CLEC12A: variants seen among roughly 807,000 people sequenced by gnomAD.
The protein encoded by CLEC12A is C-type lectin domain family 12 member A, also known as C-type lectin protein CLL-1.
CLEC12A carries 22 observed loss-of-function variants against 26.5 expected under a neutral mutation model. The ratio of observed to expected loss-of-function variants is 0.83; its 90% CI spans 0.59 to 1.19. CLEC12A has a LOEUF of 1.19. CLEC12A is among the 50% of genes most tolerant of loss of function. The probability of loss-of-function intolerance (pLI) is 0.00; values close to 1 mark genes in which losing one functional copy is unlikely to be tolerated. For synonymous variants in CLEC12A, 119 were observed against 101.9 expected, an observed-to-expected ratio of 1.17 and a Z score of -1.01; for missense variants, 353 against 315.6, an observed-to-expected ratio of 1.12 and a Z score of -0.90.
At chr12:9,979,906 A>G (rs1565560213) in intron 3 of CLEC12A, among the ~76,000 whole-genome samples, 1 of 152,202 alleles carries the variant, frequency 6.6e-6, no homozygotes, top group Non-Finnish European at 1.5e-5. Context: ...AACAAAGTCC[A>G]TAGAAAAAAA....
chr12:10,000,713 T>G, the CLEC12A span, among the ~76,000 whole-genome samples: 1 of 152,184 alleles, frequency 6.6e-6, no homozygotes, highest in Non-Finnish European at 1.5e-5. Flanking sequence ...TAAAAGGGAT[T>G]CTTCGCTCTC....
intron 4 of CLEC12A, among the ~76,000 whole-genome samples, chr12:9,994,134 T>C (rs1864969570): frequency 2.6e-5 from 4 of 152,080 alleles, no homozygotes; most frequent in Admixed American, 2.6e-4. Context: ...GAAGAAGTGA[T>C]GTTTAAATAG....
downstream of CLEC12A, chr12:9,999,402 C>T: frequency 4.2e-6 from 1 of 238,884 alleles, no homozygotes; most frequent in Non-Finnish European, 7.9e-6. Context: ...AATAAAGGGA[C>T]ATTCCATCAT....
At chr12:9,952,565 T>G (rs547690064) in intron 1 of CLEC12A, 2 of 164,680 alleles carry the variant, frequency 1.2e-5, no homozygotes, top group South Asian at 1.3e-4. Flanking sequence ...CCTCCCAAAG[T>G]GCCGAGATTG....
exon 5 of CLEC12A, chr12:9,995,533 C>A: frequency 2.7e-6 from 1 of 373,620 alleles, no homozygotes. Flanking sequence ...GGATTATACT[C>A]CCAAATAGAA....
rs970473259 is a variant in CLEC12A at position 9,985,145 on chromosome 12, T to G, written c.*119T>G. 44 of 1,146,166 alleles carry G rather than the reference T, an allele frequency of 3.8e-5. No individual in the cohort carries two copies. Among genetic ancestry groups the G allele is most frequent in the Non-Finnish European group, 5.0e-5 (44 of 878,516 alleles). The allele number at this position is 1,146,166 out of a possible 1,614,324, so 71.0% of individuals were successfully genotyped here. On this transcript the variant is annotated 3_prime_UTR_variant, in exon 6 of 6. Coordinates refer to ENST00000304361, the MANE Select transcript of CLEC12A (RefSeq NM_138337.6). ...TGTCTGAAGACCTGGGATTTTATCA[T>G]GCAGATGAAACATCCAGGTAGCAAG...
At chr12:9,996,799 G>A (rs759152150), downstream of CLEC12A, 1 of 1,601,946 alleles carries the variant, frequency 6.2e-7, no homozygotes, top group Non-Finnish European at 8.5e-7. Flanking sequence ...TACATTTGAG[G>A]TTTCTCTTCC....
At chr12:9,963,040 T>A (rs1863865096) in intron 1 of CLEC12A, among the ~76,000 whole-genome samples, 1 of 152,056 alleles carries the variant, frequency 6.6e-6, no homozygotes, top group South Asian at 2.1e-4. Flanking sequence ...TAAGGGGTGA[T>A]ATTGTGGAGT....
At chr12:10,001,571 ACT>A in the CLEC12A span, among the ~76,000 whole-genome samples, 2 of 152,092 alleles carry the variant, frequency 1.3e-5, no homozygotes, top group Admixed American at 6.6e-5. Flanking sequence ...GAAGACAGAG[ACT>A]CTCAGGGCCA....
downstream of CLEC12A, chr12:9,985,622 T>A (rs1284015879): frequency 5.1e-6 from 2 of 395,656 alleles, no homozygotes; most frequent in African/African-American, 4.1e-5. Flanking sequence ...ATTTTTAACT[T>A]CTGTGTGTTG....
downstream of CLEC12A, among the ~76,000 whole-genome samples, chr12:10,000,499 TA>T (rs143795772): frequency 5.3e-5 from 8 of 151,416 alleles, no homozygotes; most frequent in Non-Finnish European, 8.8e-5. Flanking sequence ...AATTCTTAAT[TA>T]AAAAAAAACA....
intron 4 of CLEC12A, among the ~76,000 whole-genome samples, chr12:9,994,657 C>A (rs1460575215): frequency 6.6e-6 from 1 of 151,918 alleles, no homozygotes; most frequent in Admixed American, 6.6e-5. Flanking sequence ...TACAATGTAT[C>A]GAATTCTTGG....
chr12:10,005,144 T>A, the CLEC12A span, among the ~76,000 whole-genome samples: 3 of 152,338 alleles, frequency 2.0e-5, no homozygotes, highest in African/African-American at 7.2e-5. Context: ...ATATGTTTAC[T>A]GATCACTGCA....
In CLEC12A at chr12:9,981,472, C is replaced by T. The variant is rs572462214; in HGVS notation, c.532-548C>T. Among the ~76,000 whole-genome samples, 42 of 152,242 alleles carry T rather than the reference C, an allele frequency of 2.8e-4. No individual in the cohort carries two copies. The South Asian group carries it at 8.5e-3, about 31-fold the overall frequency. ...CCTTTATAGAAGAGAGATAAATCAA[C>T]CCACAATCTCTTCCTCATCAGATCA... On this transcript the variant is annotated intron_variant, in intron 4 of 5. Coordinates refer to ENST00000304361, the MANE Select transcript of CLEC12A (RefSeq NM_138337.6).
downstream of CLEC12A, among the ~76,000 whole-genome samples, chr12:9,986,403 C>A (rs1864766944): frequency 1.6e-5 from 2 of 128,840 alleles, no homozygotes; most frequent in Admixed American, 8.6e-5. Context: ...TCCTTTGAAG[C>A]AATTCCTTTA....
downstream of CLEC12A, among the ~76,000 whole-genome samples, chr12:9,997,529 A>G (rs921830315): frequency 9.9e-5 from 15 of 152,156 alleles, no homozygotes; most frequent in Admixed American, 2.6e-4. Context: ...AAATCCCAAC[A>G]TCGATAACAT....
At chr12:9,999,817 G>A (rs1341789889), downstream of CLEC12A, among the ~76,000 whole-genome samples, 1 of 152,188 alleles carries the variant, frequency 6.6e-6, no homozygotes, top group East Asian at 1.9e-4. Flanking sequence ...GCTTTAAAGT[G>A]AGTTTCCTGG....
At chr12:10,002,440 G>GTTTTTTTTTTTT in the CLEC12A span, among the ~76,000 whole-genome samples, 1 of 40,480 alleles carries the variant, frequency 2.5e-5, no homozygotes, top group Non-Finnish European at 5.0e-5. Context: ...GTTGGGTAAT[G>GTTTTTTTTTTTT]TTTTTTTTTT....
downstream of CLEC12A, among the ~76,000 whole-genome samples, chr12:9,999,926 C>CA (rs1265449963): frequency 1.3e-5 from 2 of 152,148 alleles, no homozygotes; most frequent in Non-Finnish European, 2.9e-5. Context: ...CTTTTCATCA[C>CA]AATATAATAT....
Sources: gnomAD v4.1 joint callset for allele counts (sites outside exome capture counted in the v4.1 genomes callset) on GRCh38, gnomAD v4.1.1 for gene constraint, MANE v1.5 for transcripts, NCBI Gene and HGNC (gene_info 2026-07-23, HGNC 2026-07-21) for gene names.